AGBL1: variants seen among roughly 807,000 people sequenced by gnomAD.
The protein encoded by AGBL1 is cytosolic carboxypeptidase 4.
A neutral mutation model predicts 118.9 loss-of-function variants in AGBL1; 130 were observed. The ratio of observed to expected loss-of-function variants is 1.09; its 90% confidence interval spans 0.95 to 1.26. AGBL1 has a LOEUF of 1.26. Ranked by LOEUF, AGBL1 falls within the 50% of genes most tolerant of loss-of-function variation. AGBL1 has a pLI of 0.00. For missense variants in AGBL1, 1,584 were observed against 1,298.1 expected (o/e 1.22, Z -3.38); for synonymous variants, 555 against 478.9 (o/e 1.16, Z -2.08).
At chr15:86,254,502 G>T (rs891582251) in intron 7 of AGBL1, among the ~76,000 whole-genome samples, 2 of 152,212 alleles carry the variant, frequency 1.3e-5, no homozygotes, top group Non-Finnish European at 2.9e-5. Flanking sequence ...ACGCCAAAGC[G>T]AATTCAAAGA....
intron 21 of AGBL1, among the ~76,000 whole-genome samples, chr15:86,571,593 G>A (rs1192390262): frequency 6.6e-6 from 1 of 152,164 alleles, no homozygotes; most frequent in East Asian, 1.9e-4. Flanking sequence ...CCTGATGAGT[G>A]TCCAGCTCTC....
chr15:87,014,503 T>C (rs923609368), intron 24 of AGBL1, among the ~76,000 whole-genome samples: 1 of 152,208 alleles, frequency 6.6e-6, no homozygotes, highest in Non-Finnish European at 1.5e-5. Context: ...AATTGGGCTT[T>C]AATAACTTGG....
intron 22 of AGBL1, among the ~76,000 whole-genome samples, chr15:86,686,739 T>G (rs2086064850): frequency 6.6e-6 from 1 of 152,108 alleles, no homozygotes; most frequent in South Asian, 2.1e-4. Flanking sequence ...GCCTGGCCTC[T>G]AAGTTTTTAT....
chr15:86,852,443 A>C (rs966629765), intron 22 of AGBL1, among the ~76,000 whole-genome samples: 7 of 152,062 alleles, frequency 4.6e-5, no homozygotes, highest in African/African-American at 1.4e-4. Context: ...ATATCAGTCC[A>C]TTTCCTGAGA....
intron 5 of AGBL1, among the ~76,000 whole-genome samples, chr15:86,192,551 T>C (rs985751871): frequency 6.6e-6 from 1 of 152,076 alleles, no homozygotes; most frequent in Non-Finnish European, 1.5e-5. Context: ...TCTATGCACA[T>C]TGAAAGCTAT....
chr15:86,259,412 G>C (rs1214223576), intron 9 of AGBL1, among the ~76,000 whole-genome samples: 1 of 152,092 alleles, frequency 6.6e-6, no homozygotes, highest in Non-Finnish European at 1.5e-5. Context: ...TAAGGTCAAT[G>C]CTGCCTTTTA....
intron 21 of AGBL1, among the ~76,000 whole-genome samples, chr15:86,594,845 G>T (rs146606151): frequency 1.7e-4 from 26 of 152,160 alleles, no homozygotes; most frequent in African/African-American, 5.8e-4. Flanking sequence ...ACTCACTCTC[G>T]TTTTCTTTAA....
At chr15:86,610,787 T>C (rs549594956) in intron 21 of AGBL1, among the ~76,000 whole-genome samples, 2 of 152,336 alleles carry the variant, frequency 1.3e-5, no homozygotes, top group African/African-American at 4.8e-5. Context: ...CACGTATTTT[T>C]TTTTCCTTCT....
chr15:86,146,266 C>CT, intron 3 of AGBL1, among the ~76,000 whole-genome samples: 1 of 152,128 alleles, frequency 6.6e-6, no homozygotes, highest in East Asian at 1.9e-4. Flanking sequence ...CATGTACAAA[C>CT]TTTTTTCTTG....
chr15:86,218,064 T>G (rs1170589339), intron 5 of AGBL1, among the ~76,000 whole-genome samples: 1 of 152,204 alleles, frequency 6.6e-6, no homozygotes, highest in Non-Finnish European at 1.5e-5. Context: ...AATTATATTT[T>G]CTAATATACC....
At chr15:86,169,525 A>C (rs765776585) in intron 5 of AGBL1, among the ~76,000 whole-genome samples, 1 of 152,204 alleles carries the variant, frequency 6.6e-6, no homozygotes, top group Non-Finnish European at 1.5e-5. Context: ...TCTTGTAGAT[A>C]CCAAAATCTG....
chr15:86,212,524 G>C (rs933505494), intron 5 of AGBL1, among the ~76,000 whole-genome samples: 2 of 152,242 alleles, frequency 1.3e-5, no homozygotes, highest in Admixed American at 6.5e-5. Context: ...TGAAATGCAA[G>C]AACATGTGTG....
At chr15:86,325,478 C>G (rs1182772111) in intron 17 of AGBL1, among the ~76,000 whole-genome samples, 1 of 152,132 alleles carries the variant, frequency 6.6e-6, no homozygotes, top group Admixed American at 6.5e-5. Flanking sequence ...GCAATCAGGA[C>G]TTGAATTAGA....
At chr15:86,209,333 T>A (rs541939707) in intron 5 of AGBL1, among the ~76,000 whole-genome samples, 5 of 152,284 alleles carry the variant, frequency 3.3e-5, no homozygotes, top group African/African-American at 1.2e-4. Flanking sequence ...CTATTAGGTC[T>A]GCTTGGTGCA....
intron 5 of AGBL1, among the ~76,000 whole-genome samples, chr15:86,213,800 T>C (rs1467591938): frequency 1.3e-5 from 2 of 152,216 alleles, no homozygotes; most frequent in Non-Finnish European, 2.9e-5. Context: ...CCTTTTAAAG[T>C]GTACAATTCA....
At chr15:86,526,542 GTGTA>G (rs1162997372) in intron 19 of AGBL1, among the ~76,000 whole-genome samples, 1 of 41,438 alleles carries the variant, frequency 2.4e-5, no homozygotes, top group African/African-American at 6.5e-5. Context: ...GTTTGTGTCT[GTGTA>G]TATATATATA....
intron 7 of AGBL1, among the ~76,000 whole-genome samples, chr15:86,252,189 A>G (rs1381526615): frequency 6.6e-6 from 1 of 152,194 alleles, no homozygotes; most frequent in African/African-American, 2.4e-5. Flanking sequence ...AAGAACTGAT[A>G]TGGCCTTTTA....
At chr15:86,331,626 A>T (rs982396098) in intron 17 of AGBL1, among the ~76,000 whole-genome samples, 16 of 152,236 alleles carry the variant, frequency 1.1e-4, no homozygotes, top group Admixed American at 7.9e-4. Context: ...TTTACAAGCC[A>T]GCAGAGATCG....
intron 22 of AGBL1, among the ~76,000 whole-genome samples, chr15:86,905,186 CACA>C (rs71800979): frequency 0.17 from 26,397 of 151,994 alleles, 3,263 homozygotes; most frequent in African/African-American, 0.35. Flanking sequence ...TCTAAATGAT[CACA>C]ACAAGTACGA....
Sources: gnomAD v4.1 joint callset for allele counts (sites outside exome capture counted in the v4.1 genomes callset) on GRCh38, gnomAD v4.1.1 for gene constraint, MANE v1.5 for transcripts, NCBI Gene and HGNC (gene_info 2026-07-23, HGNC 2026-07-21) for gene names.